Variants in RARS2 observed in about 807,000 individuals in gnomAD.
The protein encoded by RARS2 is probable arginine--tRNA ligase, mitochondrial.
In RARS2, 67 loss-of-function variants were observed where a neutral mutation model predicts 88.5. The observed-to-expected ratio is 0.76, with a 90% CI of 0.62 to 0.93. The LOEUF (loss-of-function observed/expected upper bound fraction) is 0.93, where lower values mean the gene tolerates loss of function less well. Among genes scored for constraint, RARS2 ranks in the 40% least tolerant of loss-of-function variants. The pLI, the probability that RARS2 is intolerant of heterozygous loss-of-function variation, is 0.00. For missense variants in RARS2, 664 were observed against 684.2 expected (o/e 0.97, Z 0.33); for synonymous variants, 239 against 230.3 (o/e 1.04, Z -0.34).
At chr6:87,579,304 C>T (rs150994944) in intron 1 of RARS2, among the ~76,000 whole-genome samples, 305 of 152,236 alleles carry the variant, frequency 2.0e-3, no homozygotes, top group African/African-American at 7.0e-3. Flanking sequence ...ATTAGTACAA[C>T]GTGGGCTCTG....
intron 12 of RARS2, among the ~76,000 whole-genome samples, chr6:87,520,569 T>G (rs988079317): frequency 2.0e-5 from 3 of 152,156 alleles, no homozygotes; most frequent in Non-Finnish European, 2.9e-5. Context: ...AGCTAAACTC[T>G]AAATAAATAT....
intron 8 of RARS2, among the ~76,000 whole-genome samples, 156 bp from the exon 9 acceptor site, chr6:87,531,098 G>A (rs1157045148): frequency 6.6e-6 from 1 of 151,854 alleles, no homozygotes; most frequent in African/African-American, 2.4e-5. Context: ...TTTGCCATGG[G>A]CCCCTGGTGA....
intron 10 of RARS2, 133 bp downstream of exon 10, chr6:87,529,409 T>G (rs1562096299): frequency 1.4e-6 from 1 of 692,104 alleles, no homozygotes; most frequent in African/African-American, 1.8e-5. Flanking sequence ...GAAAGTACTC[T>G]GAACAGGAAA....
At chr6:87,556,281 G>C (rs929455452) in intron 4 of RARS2, among the ~76,000 whole-genome samples, 1 of 152,014 alleles carries the variant, frequency 6.6e-6, no homozygotes, top group Non-Finnish European at 1.5e-5. Flanking sequence ...AGTTGGTTTT[G>C]TTTCCCTAAC....
chr6:87,532,222 T>C (rs1268591530), intron 8 of RARS2, among the ~76,000 whole-genome samples: 1 of 151,550 alleles, frequency 6.6e-6, no homozygotes, highest in Non-Finnish European at 1.5e-5. Flanking sequence ...ACCTTTTTTT[T>C]TCCCCCTAGA....
rs71018036 is a variant in RARS2 at position 87,551,626 on chromosome 6, CAAAA to C, written c.396-2984_396-2981del. Among the ~76,000 whole-genome samples the C allele has an allele frequency of 9.2e-5, 6 of 65,150 alleles. No homozygotes were observed. In the South Asian group the frequency reaches 2.9e-3, roughly 32 times the overall value. The allele number at this position is 65,150 out of a possible 152,430, so 42.7% of individuals were successfully genotyped here. A position where few individuals can be genotyped will look rare whatever the true frequency, so the allele number is the denominator to read the frequency against. On this transcript the variant is annotated intron_variant, in intron 5 of 19. Coordinates refer to ENST00000369536, the MANE Select transcript of RARS2 (RefSeq NM_020320.5). ...GCGAGACAGCAAGACTCCGTCTCAA[CAAAA>C]AAAAAAAAAAAAAAAAAAAGATTAC...
At chr6:87,584,392 T>C (rs1313622685) in intron 1 of RARS2, among the ~76,000 whole-genome samples, 1 of 152,210 alleles carries the variant, frequency 6.6e-6, no homozygotes, top group African/African-American at 2.4e-5. Context: ...TTAAGCACTG[T>C]TATCTTTATC....
chr6:87,523,806 T>C (rs1179255880), intron 11 of RARS2, among the ~76,000 whole-genome samples: 1 of 152,204 alleles, frequency 6.6e-6, no homozygotes, highest in Admixed American at 6.5e-5. Context: ...TATCTAGCAA[T>C]AATTAGTTGA....
intron 4 of RARS2, among the ~76,000 whole-genome samples, chr6:87,556,148 T>C (rs1441164753): frequency 2.0e-5 from 3 of 152,132 alleles, no homozygotes; most frequent in African/African-American, 7.2e-5. Flanking sequence ...AACAAGGAAA[T>C]CCCACAGAAA....
intron 4 of RARS2, among the ~76,000 whole-genome samples, chr6:87,560,621 G>GGGC (rs1330310724): frequency 6.6e-6 from 1 of 152,180 alleles, no homozygotes; most frequent in Non-Finnish European, 1.5e-5. Context: ...AATGATGGCA[G>GGGC]GGCACGGTGG....
chr6:87,533,872 G>A (rs1406814453), intron 8 of RARS2, among the ~76,000 whole-genome samples: 1 of 152,078 alleles, frequency 6.6e-6, no homozygotes, highest in Non-Finnish European at 1.5e-5. Flanking sequence ...TAGCCACATG[G>A]GCACAGTTTA....
intron 4 of RARS2, among the ~76,000 whole-genome samples, chr6:87,556,809 A>AATT (rs1554204344): frequency 7.6e-5 from 10 of 131,812 alleles, no homozygotes; most frequent in Admixed American, 2.4e-4. Context: ...AAAAAAAAAA[A>AATT]TTTTTTTTTT....
At chr6:87,535,676 GTTTTTT>G (rs10710147) in intron 8 of RARS2, among the ~76,000 whole-genome samples, 1 of 111,396 alleles carries the variant, frequency 9.0e-6, no homozygotes, top group African/African-American at 3.7e-5. Context: ...TAACTGTTTT[GTTTTTT>G]TTTTTTTTTT....
In RARS2 at chr6:87,571,397, G is replaced by A. The variant is rs138033076; in HGVS notation, c.37-1807C>T. Among the ~76,000 whole-genome samples the A allele has an allele frequency of 2.3e-3, 347 of 152,266 alleles. 3 individuals are homozygous for A. The highest frequency in any genetic ancestry group is 7.9e-3 in the African/African-American group (329 of 41,534). ...TCCTTTATAAATTACCCAGTGTCAC[G>A]CATGTCTTTATTAGCAGTGTGAGAA... is the stretch of plus-strand genomic sequence containing the variant. On this transcript the variant is annotated intron_variant, in intron 1 of 19. Coordinates refer to ENST00000369536, the MANE Select transcript of RARS2 (RefSeq NM_020320.5).
rs553977444 is a variant in RARS2, at chr6:87,534,608, A to G, written c.613-3666T>C. On this transcript the variant is annotated intron_variant, in intron 8 of 19. Transcript: ENST00000369536. The stretch of plus-strand genomic sequence containing the variant: ...ATTCTAAGAGGAAGACTAAGAGGAC[A>G]ATGACACACTGTAGTGCTGTCCCAA... Among the ~76,000 whole-genome samples the G allele has an allele frequency of 3.3e-5, 5 of 152,348 alleles. No individual in the cohort carries two copies. In the South Asian group the frequency reaches 1.0e-3, roughly 32 times the overall value.
intron 1 of RARS2, among the ~76,000 whole-genome samples, chr6:87,582,777 T>A (rs998711358): frequency 1.3e-5 from 2 of 152,216 alleles, no homozygotes; most frequent in Non-Finnish European, 2.9e-5. Flanking sequence ...CTAGTTTAAT[T>A]GCTTCTTGAG....
At position 87,531,838 on chromosome 6, in the gene RARS2, T is replaced by A. The variant is rs192014163; in HGVS notation, c.613-896A>T. Among the ~76,000 whole-genome samples the A allele has an allele frequency of 1.6e-4, 25 of 152,308 alleles. No homozygotes were observed. The East Asian group carries it at 3.5e-3, about 21-fold the overall frequency. Reference sequence around the variant, plus strand: ...GTTCAAGTAGTACTGAAGTTATACATATGGACAAATATTTACAAATTGTAA... The same window carrying A: ...GTTCAAGTAGTACTGAAGTTATACAAATGGACAAATATTTACAAATTGTAA... On this transcript the variant is annotated intron_variant, in intron 8 of 19. Transcript: ENST00000369536.
rs368859792 is a variant in RARS2 at position 87,529,650 on chromosome 6, TAA to T, written c.772-4_772-3del. 89 of 1,585,440 alleles carry T rather than the reference TAA, an allele frequency of 5.6e-5. No homozygotes were observed. In the African/African-American group the frequency reaches 9.0e-4, roughly 16 times the overall value. On this transcript the variant is annotated splice_polypyrimidine_tract_variant and splice_region_variant and intron_variant, in intron 9 of 19. Coordinates refer to ENST00000369536, the MANE Select transcript of RARS2 (RefSeq NM_020320.5). ...TTCATCAAAATATACTCCCAGACGC[TAA>T]AAGAGTTCAGAAACAAAAAGACAAA...
At chr6:87,584,201 G>A (rs903228308) in intron 1 of RARS2, among the ~76,000 whole-genome samples, 2 of 152,118 alleles carry the variant, frequency 1.3e-5, no homozygotes, top group African/African-American at 4.8e-5. Context: ...TTGCGGCATG[G>A]GAAGAAAAAG....
Sources: gnomAD v4.1 joint callset for allele counts (sites outside exome capture counted in the v4.1 genomes callset) on GRCh38, gnomAD v4.1.1 for gene constraint, MANE v1.5 for transcripts, NCBI Gene and HGNC (gene_info 2026-07-23, HGNC 2026-07-21) for gene names.